Variants in EDAR observed in about 807,000 individuals in gnomAD.
The protein encoded by EDAR is ectodysplasin A receptor, also known as tumor necrosis factor receptor superfamily member EDAR.
In EDAR, 38 loss-of-function variants were observed where a neutral mutation model predicts 51.3. The ratio of observed to expected loss-of-function variants is 0.74; its 90% CI spans 0.57 to 0.97. The LOEUF (loss-of-function observed/expected upper bound fraction) is 0.97. Ranked by LOEUF, EDAR falls within the 50% of genes least tolerant of loss-of-function variation. The pLI is 0.00. For synonymous variants in EDAR, 227 were observed against 242.1 expected (o/e 0.94, Z 0.58); for missense variants, 528 against 595.0 (o/e 0.89, Z 1.17).
intron 1 of EDAR, among the ~76,000 whole-genome samples, chr2:108,944,176 C>T (rs1365817179): frequency 4.6e-5 from 7 of 152,284 alleles, no homozygotes; most frequent in East Asian, 3.9e-4. Context: ...TGCAGTGGCA[C>T]GATCTCGGCT....
intron 5 of EDAR, among the ~76,000 whole-genome samples, chr2:108,921,745 G>A (rs1252868548): frequency 7.2e-5 from 11 of 152,232 alleles, no homozygotes; most frequent in African/African-American, 2.7e-4. Flanking sequence ...CATTCACACC[G>A]AGGCCCTAAC....
chr2:108,912,354 C>T (rs1197747902), intron 6 of EDAR, among the ~76,000 whole-genome samples: 8 of 152,170 alleles, frequency 5.3e-5, no homozygotes, highest in South Asian at 2.1e-4. Flanking sequence ...TGTTAACTCC[C>T]GGCCAAACCA....
chr2:108,951,787 C>T (rs1438847430), intron 1 of EDAR, among the ~76,000 whole-genome samples: 2 of 152,122 alleles, frequency 1.3e-5, no homozygotes, highest in African/African-American at 4.8e-5. Flanking sequence ...CTCTTGGCAA[C>T]ACTATATCAG....
chr2:108,949,838 C>T (rs1294047720), intron 1 of EDAR, among the ~76,000 whole-genome samples: 2 of 152,210 alleles, frequency 1.3e-5, no homozygotes, highest in African/African-American at 4.8e-5. Context: ...TTCATGGTGC[C>T]TTAGAAGCAG....
chr2:108,936,932 C>A (rs1697481384), intron 1 of EDAR, among the ~76,000 whole-genome samples: 1 of 152,334 alleles, frequency 6.6e-6, no homozygotes, highest in Admixed American at 6.5e-5. Context: ...GATTTCTGAC[C>A]CATTTCCATT....
At chr2:108,946,015 T>C (rs1481937935) in intron 1 of EDAR, among the ~76,000 whole-genome samples, 3 of 152,228 alleles carry the variant, frequency 2.0e-5, no homozygotes, top group African/African-American at 7.2e-5. Flanking sequence ...TCTGACTCCA[T>C]TCTCTGCACT....
In EDAR at chr2:108,974,285, A is replaced by C. The variant is rs141794154; in HGVS notation, c.-19+14675T>G. Among the ~76,000 whole-genome samples, 174 of 136,126 alleles carry C rather than the reference A, an allele frequency of 1.3e-3. 1 individual carries two copies. Among genetic ancestry groups the C allele is most frequent in the African/African-American group, 4.8e-3 (171 of 35,880 alleles). 89.3% of individuals were successfully genotyped at this position (136,126 alleles called of 152,430 possible). On this transcript the variant is annotated intron_variant, in intron 1 of 11. Coordinates refer to ENST00000258443, the MANE Select transcript of EDAR (RefSeq NM_022336.4). ...GCGGAGCTTGCAGTGAGCTGAGATC[A>C]CACCACTGCACTATAGCCTGGGAGA...
At chr2:108,981,429 G>T (rs1430836129) in intron 1 of EDAR, among the ~76,000 whole-genome samples, 1 of 152,206 alleles carries the variant, frequency 6.6e-6, no homozygotes, top group African/African-American at 2.4e-5. Flanking sequence ...CTGCTATTGT[G>T]AGAAGAATGG....
At chr2:108,935,123 G>A (rs568324485) in intron 1 of EDAR, among the ~76,000 whole-genome samples, 4 of 152,142 alleles carry the variant, frequency 2.6e-5, no homozygotes, top group African/African-American at 7.2e-5. Flanking sequence ...GGCGCTTTAC[G>A]GAAAAGGTCT....
At chr2:108,913,487 T>TAATA (rs1696968388) in intron 5 of EDAR, among the ~76,000 whole-genome samples, 5 of 152,090 alleles carry the variant, frequency 3.3e-5, no homozygotes, top group African/African-American at 1.2e-4. Context: ...CTTTTTCCAG[T>TAATA]CATAAAAGTA....
intron 11 of EDAR, among the ~76,000 whole-genome samples, chr2:108,899,401 C>A (rs1187006703): frequency 6.6e-6 from 1 of 152,128 alleles, no homozygotes; most frequent in East Asian, 1.9e-4. Flanking sequence ...AAGAATTTTT[C>A]ACCAGCAGAC....
chr2:108,909,558 A>T (rs574573199), intron 9 of EDAR, among the ~76,000 whole-genome samples: 1 of 152,252 alleles, frequency 6.6e-6, no homozygotes, highest in East Asian at 1.9e-4. Flanking sequence ...CAAGGGAGGC[A>T]CTGTTGCGGG....
At chr2:108,966,256 G>A (rs1040557316) in intron 1 of EDAR, among the ~76,000 whole-genome samples, 9 of 152,180 alleles carry the variant, frequency 5.9e-5, no homozygotes, top group Admixed American at 2.0e-4. Flanking sequence ...CTCAAGTTCC[G>A]TCTTTGTCAT....
intron 1 of EDAR, among the ~76,000 whole-genome samples, chr2:108,968,148 C>T (rs1296988627): frequency 6.6e-6 from 1 of 152,094 alleles, no homozygotes. Context: ...AAGGCGCCGT[C>T]ATTGTTCTCA....
chr2:108,908,673 A>G (rs959396383), intron 9 of EDAR, among the ~76,000 whole-genome samples: 35 of 152,212 alleles, frequency 2.3e-4, no homozygotes, highest in Non-Finnish European at 3.2e-4. Flanking sequence ...GGTCTGCCCT[A>G]GGCACATGTG....
chr2:108,971,867 G>C (rs1026632908), intron 1 of EDAR, among the ~76,000 whole-genome samples: 2 of 152,182 alleles, frequency 1.3e-5, no homozygotes. Flanking sequence ...CAGAAGAGAC[G>C]GTGCAATTAC....
At chr2:108,937,741 G>A (rs1254626285) in intron 1 of EDAR, among the ~76,000 whole-genome samples, 1 of 151,956 alleles carries the variant, frequency 6.6e-6, no homozygotes, top group Non-Finnish European at 1.5e-5. Flanking sequence ...CTGTGTATGA[G>A]TGTATGCATA....
chr2:108,936,020 C>T (rs1373408279), intron 1 of EDAR, among the ~76,000 whole-genome samples: 2 of 152,248 alleles, frequency 1.3e-5, no homozygotes, highest in Middle Eastern at 3.2e-3. Context: ...AAGAAGGTGG[C>T]CGTCCTCCCT....
At chr2:108,903,361 G>A (rs1696736437) in intron 11 of EDAR, among the ~76,000 whole-genome samples, 1 of 151,826 alleles carries the variant, frequency 6.6e-6, no homozygotes, top group Non-Finnish European at 1.5e-5. Flanking sequence ...ATCCCAGCAA[G>A]GCATTTTGTA....
Sources: gnomAD v4.1 joint callset for allele counts (sites outside exome capture counted in the v4.1 genomes callset) on GRCh38, gnomAD v4.1.1 for gene constraint, MANE v1.5 for transcripts, NCBI Gene and HGNC (gene_info 2026-07-23, HGNC 2026-07-21) for gene names.